The following PPM1E variants were observed in gnomAD, a reference collection of about 807,000 sequenced individuals.
The protein encoded by PPM1E is protein phosphatase 1E.
PPM1E carries 20 observed loss-of-function variants against 65.9 expected under a neutral mutation model. The ratio of observed to expected loss-of-function variants is 0.30; its 90% CI spans 0.21 to 0.44. PPM1E has a LOEUF of 0.44. Among genes scored for constraint, PPM1E ranks in the 20% least tolerant of loss-of-function variants. PPM1E has a pLI of 1.00. For synonymous variants in PPM1E, 352 were observed against 374.9 expected, an observed-to-expected ratio of 0.94 and a Z score of 0.70; for missense variants, 713 against 953.1, an observed-to-expected ratio of 0.75 and a Z score of 3.32.
intron 1 of PPM1E, among the ~76,000 whole-genome samples, chr17:58,801,440 C>CTTTT (rs35970989): frequency 2.0e-5 from 2 of 101,146 alleles, no homozygotes; most frequent in Non-Finnish European, 3.9e-5. Flanking sequence ...CCCCTTCAGT[C>CTTTT]TTTTTTTTTT....
At chr17:58,945,015 G>A (rs1481810295) in intron 1 of PPM1E, among the ~76,000 whole-genome samples, 1 of 151,962 alleles carries the variant, frequency 6.6e-6, no homozygotes, top group African/African-American at 2.4e-5. Flanking sequence ...TTTTGTTATA[G>A]CTATTTTATT....
At chr17:58,769,843 A>G (rs912508330) in intron 1 of PPM1E, among the ~76,000 whole-genome samples, 1 of 151,996 alleles carries the variant, frequency 6.6e-6, no homozygotes. Context: ...CCTGACCAAC[A>G]TGGCAAAACC....
intron 1 of PPM1E, among the ~76,000 whole-genome samples, chr17:58,783,515 C>T (rs1567832272): frequency 6.6e-6 from 1 of 152,126 alleles, no homozygotes; most frequent in African/African-American, 2.4e-5. Context: ...TAGGTACTAC[C>T]TTTGAGAAAA....
intron 1 of PPM1E, among the ~76,000 whole-genome samples, chr17:58,825,333 G>C (rs1045617026): frequency 1.3e-5 from 2 of 151,684 alleles, no homozygotes; most frequent in Non-Finnish European, 2.9e-5. Flanking sequence ...ACTTTGGAAG[G>C]CTGAGACAGG....
intron 1 of PPM1E, among the ~76,000 whole-genome samples, chr17:58,900,287 G>C (rs922454161): frequency 4.1e-4 from 63 of 152,156 alleles, no homozygotes; most frequent in African/African-American, 1.4e-3. Context: ...TTTTGTGAAA[G>C]GAAGAGTCAA....
chr17:58,843,528 A>T (rs960216531), intron 1 of PPM1E, among the ~76,000 whole-genome samples: 1 of 151,802 alleles, frequency 6.6e-6, no homozygotes, highest in African/African-American at 2.4e-5. Context: ...AAATAAAAAT[A>T]AAACTGTAGA....
intron 2 of PPM1E, among the ~76,000 whole-genome samples, chr17:58,956,707 G>A (rs1269277431): frequency 6.6e-6 from 1 of 152,008 alleles, no homozygotes. Flanking sequence ...TATTTGACAG[G>A]ATCAAAGAAA....
At chr17:58,978,382 C>G (rs1017683404) in intron 6 of PPM1E, among the ~76,000 whole-genome samples, 18 of 151,942 alleles carry the variant, frequency 1.2e-4, no homozygotes, top group Admixed American at 1.1e-3. Context: ...TGCTCAGTAC[C>G]CTGTGTGTGG....
intron 1 of PPM1E, among the ~76,000 whole-genome samples, chr17:58,772,536 G>A (rs952047578): frequency 6.6e-6 from 1 of 151,952 alleles, no homozygotes; most frequent in Non-Finnish European, 1.5e-5. Flanking sequence ...CTTGGATTTT[G>A]GAAGGGGACA....
intron 1 of PPM1E, among the ~76,000 whole-genome samples, chr17:58,800,600 G>C (rs2050250127): frequency 6.6e-6 from 1 of 152,142 alleles, no homozygotes; most frequent in African/African-American, 2.4e-5. Flanking sequence ...TTCTCTGATA[G>C]ACAAGGGGCT....
At chr17:58,964,129 T>C (rs577919076) in intron 2 of PPM1E, among the ~76,000 whole-genome samples, 7 of 152,234 alleles carry the variant, frequency 4.6e-5, no homozygotes, top group Non-Finnish European at 8.8e-5. Flanking sequence ...AGTCTCTCTC[T>C]TCTTTGGGAT....
intron 2 of PPM1E, 75 bp from the exon 3 acceptor site, chr17:58,965,619 T>A: frequency 7.0e-7 from 1 of 1,437,946 alleles, no homozygotes; most frequent in Non-Finnish European, 9.7e-7. Flanking sequence ...GACCTACTTC[T>A]GTCTTTACCA....
intron 1 of PPM1E, among the ~76,000 whole-genome samples, chr17:58,824,025 C>T (rs539714661): frequency 8.5e-5 from 13 of 152,120 alleles, no homozygotes; most frequent in African/African-American, 2.2e-4. Flanking sequence ...GCACCGTGCC[C>T]GGCCTGCAAA....
chr17:58,955,587 C>A, intron 1 of PPM1E, 62 bp from the exon 2 acceptor site: 3 of 1,533,068 alleles, frequency 2.0e-6, no homozygotes, highest in East Asian at 2.3e-5. Context: ...ATTATTATAA[C>A]GTTAAATGTA....
intron 1 of PPM1E, among the ~76,000 whole-genome samples, chr17:58,841,089 A>T (rs893466069): frequency 1.3e-5 from 2 of 152,070 alleles, no homozygotes; most frequent in Non-Finnish European, 2.9e-5. Flanking sequence ...ACCCTGGGGC[A>T]CCCCCCTTGT....
intron 1 of PPM1E, among the ~76,000 whole-genome samples, chr17:58,876,649 TAAATCAG>T (rs1256181758): frequency 6.6e-6 from 1 of 152,208 alleles, no homozygotes; most frequent in Non-Finnish European, 1.5e-5. Context: ...AAACTGATAG[TAAATCAG>T]AAGACTGACG....
At chr17:58,797,245 A>G (rs1262478133) in intron 1 of PPM1E, among the ~76,000 whole-genome samples, 1 of 152,234 alleles carries the variant, frequency 6.6e-6, no homozygotes. Context: ...TATATACAAT[A>G]CAATGCGTAA....
At position 58,928,078 on chromosome 17, in the gene PPM1E, T is replaced by C. The variant is rs563467388; in HGVS notation, c.465-27571T>C. 2.7e-5 allele frequency among the ~76,000 whole-genome samples: 4 copies of C among 150,788 alleles called. No individual in the cohort carries two copies. In the East Asian group the frequency reaches 7.8e-4, roughly 30 times the overall value. ...CCATCTCAATTAAAAAAAAAAAAAT[T>C]AACCAGGCATGGTGGTGCTTACCAT... is the stretch of plus-strand genomic sequence containing the variant. On this transcript the variant is annotated intron_variant, in intron 1 of 6. Transcript: ENST00000308249.
At chr17:58,851,864 C>A (rs765865445) in intron 1 of PPM1E, among the ~76,000 whole-genome samples, 1 of 152,216 alleles carries the variant, frequency 6.6e-6, no homozygotes, top group African/African-American at 2.4e-5. Flanking sequence ...TTCAGCTATG[C>A]CCTGCTCCCA....
Sources: allele counts gnomAD v4.1 joint callset (sites outside exome capture counted in the v4.1 genomes callset), GRCh38; gene constraint gnomAD v4.1.1; transcripts MANE v1.5; gene names NCBI Gene and HGNC (gene_info 2026-07-23, HGNC 2026-07-21).